The following NELL1 variants were observed in gnomAD, a reference collection of about 807,000 sequenced individuals.
NELL1 encodes the protein neural EGFL like 1.
A neutral mutation model predicts 107.4 loss-of-function variants in NELL1; 76 were observed. The ratio of observed to expected loss-of-function variants is 0.71; its 90% CI spans 0.59 to 0.86. The LOEUF (loss-of-function observed/expected upper bound fraction) is 0.86, where lower values mean the gene tolerates loss of function less well. NELL1 is among the 40% of genes least tolerant of loss of function. NELL1 has a pLI of 0.00. For synonymous variants in NELL1, 353 were observed against 341.2 expected, an observed-to-expected ratio of 1.03 and a Z score of -0.38; for missense variants, 1,024 against 1,005.5, an observed-to-expected ratio of 1.02 and a Z score of -0.25.
intron 15 of NELL1, among the ~76,000 whole-genome samples, chr11:21,426,733 CAG>C (rs1852831349): frequency 6.6e-6 from 1 of 151,836 alleles, no homozygotes; most frequent in Admixed American, 6.6e-5. Context: ...AGGGTGCAGT[CAG>C]AAAAAAATGA....
intron 10 of NELL1, among the ~76,000 whole-genome samples, chr11:20,946,889 A>AG (rs1244580463): frequency 9.2e-5 from 14 of 152,202 alleles, no homozygotes; most frequent in Non-Finnish European, 1.6e-4. Context: ...CCTGTTATCC[A>AG]GGGGCATGCC....
At chr11:20,704,657 C>T (rs1476464043) in intron 2 of NELL1, among the ~76,000 whole-genome samples, 1 of 152,076 alleles carries the variant, frequency 6.6e-6, no homozygotes, top group Non-Finnish European at 1.5e-5. Flanking sequence ...TGTTCCTTTC[C>T]ATGTTCAGTG....
At chr11:21,258,709 C>T (rs969663002) in intron 14 of NELL1, among the ~76,000 whole-genome samples, 11 of 151,932 alleles carry the variant, frequency 7.2e-5, no homozygotes, top group Non-Finnish European at 1.5e-5. Context: ...CAGAAACACT[C>T]AGAATAATGT....
At chr11:20,700,542 A>C (rs962688694) in intron 2 of NELL1, among the ~76,000 whole-genome samples, 4 of 151,952 alleles carry the variant, frequency 2.6e-5, no homozygotes, top group African/African-American at 9.7e-5. Flanking sequence ...TACTTCTAGG[A>C]TACATGTGCA....
At chr11:20,946,507 A>G (rs1850965038) in intron 10 of NELL1, among the ~76,000 whole-genome samples, 1 of 152,220 alleles carries the variant, frequency 6.6e-6, no homozygotes, top group South Asian at 2.1e-4. Flanking sequence ...CCTTCTGAAT[A>G]TTACACACGT....
At chr11:21,042,044 G>A (rs1853247554) in intron 12 of NELL1, among the ~76,000 whole-genome samples, 1 of 152,232 alleles carries the variant, frequency 6.6e-6, no homozygotes, top group Admixed American at 6.5e-5. Context: ...GAAGCATGCT[G>A]TAAATACCAT....
chr11:20,720,461 C>T (rs1471856532), intron 2 of NELL1, among the ~76,000 whole-genome samples: 1 of 152,116 alleles, frequency 6.6e-6, no homozygotes, highest in Non-Finnish European at 1.5e-5. Flanking sequence ...CCTGCCTCAG[C>T]CTCCCAAAGT....
intron 15 of NELL1, among the ~76,000 whole-genome samples, chr11:21,466,930 A>G (rs919616372): frequency 6.6e-6 from 1 of 152,030 alleles, no homozygotes; most frequent in African/African-American, 2.4e-5. Flanking sequence ...CCAGACATTC[A>G]TGTCAGTGAA....
chr11:20,882,472 G>A (rs1042887418), intron 4 of NELL1, among the ~76,000 whole-genome samples: 1 of 152,142 alleles, frequency 6.6e-6, no homozygotes, highest in South Asian at 2.1e-4. Context: ...AGTGATACAA[G>A]GAACAATCAT....
chr11:20,996,293 G>T (rs1852088953), intron 12 of NELL1, among the ~76,000 whole-genome samples: 1 of 152,176 alleles, frequency 6.6e-6, no homozygotes, highest in Non-Finnish European at 1.5e-5. Flanking sequence ...GATAGTACTT[G>T]CATGTTCTGT....
At chr11:20,999,977 G>C (rs1315275877) in intron 12 of NELL1, among the ~76,000 whole-genome samples, 1 of 151,326 alleles carries the variant, frequency 6.6e-6, no homozygotes, top group Non-Finnish European at 1.5e-5. Flanking sequence ...TATGAAGGTT[G>C]TGTGTGTGTG....
chr11:20,813,298 C>A (rs1857544446), intron 3 of NELL1, among the ~76,000 whole-genome samples: 1 of 152,142 alleles, frequency 6.6e-6, no homozygotes, highest in African/African-American at 2.4e-5. Context: ...TGGGTTTAGT[C>A]TCTGAAATCA....
chr11:21,391,227 A>G lies in NELL1; in HGVS notation c.1645+20279A>G, dbSNP rs1851870378. ...TTTAGTACAACTTTTGAGAAACTTAATATTGTCCTATTCTTGTTAATTTAT... is the reference window on the plus strand; with the variant it reads ...TTTAGTACAACTTTTGAGAAACTTAGTATTGTCCTATTCTTGTTAATTTAT... On this transcript the variant is annotated intron_variant, in intron 15 of 19. Coordinates refer to ENST00000357134, the MANE Select transcript of NELL1 (RefSeq NM_006157.5). Among the ~76,000 whole-genome samples the G allele has an allele frequency of 4.6e-5, 7 of 151,884 alleles. No homozygotes were observed. In the South Asian group the frequency reaches 1.2e-3, roughly 27 times the overall value.
intron 14 of NELL1, among the ~76,000 whole-genome samples, chr11:21,233,373 A>G (rs116025591): frequency 0.01 from 1,591 of 152,182 alleles, 18 homozygotes; most frequent in African/African-American, 0.036. Flanking sequence ...AACTGCTTTT[A>G]GTTTTTTCCC....
chr11:21,176,470 C>A (rs1333792296), intron 13 of NELL1, among the ~76,000 whole-genome samples: 1 of 151,810 alleles, frequency 6.6e-6, no homozygotes, highest in African/African-American at 2.4e-5. Flanking sequence ...CCTATGAGCC[C>A]AGTCTGGCCC....
intron 12 of NELL1, among the ~76,000 whole-genome samples, chr11:21,018,625 G>A (rs1476896179): frequency 6.6e-6 from 1 of 152,086 alleles, no homozygotes; most frequent in Non-Finnish European, 1.5e-5. Context: ...AGGCACATTA[G>A]ATTATGACCT....
intron 2 of NELL1, among the ~76,000 whole-genome samples, chr11:20,763,204 G>T (rs1856460420): frequency 1.3e-5 from 2 of 152,100 alleles, no homozygotes; most frequent in African/African-American, 2.4e-5. Flanking sequence ...TCCTGCTGGG[G>T]TCTATCCACC....
intron 3 of NELL1, among the ~76,000 whole-genome samples, chr11:20,835,086 A>G (rs528588600): frequency 6.6e-6 from 1 of 152,070 alleles, no homozygotes; most frequent in Admixed American, 6.5e-5. Context: ...TTCTTCCTCC[A>G]TGTTTTTACA....
intron 15 of NELL1, among the ~76,000 whole-genome samples, chr11:21,529,945 T>C (rs1855953812): frequency 1.3e-5 from 2 of 152,178 alleles, no homozygotes; most frequent in Admixed American, 1.3e-4. Flanking sequence ...TTTGAAGTCA[T>C]GTTTGTCTCT....
Sources: gnomAD v4.1 joint callset for allele counts (sites outside exome capture counted in the v4.1 genomes callset) on GRCh38, gnomAD v4.1.1 for gene constraint, MANE v1.5 for transcripts, NCBI Gene and HGNC (gene_info 2026-07-23, HGNC 2026-07-21) for gene names.